Variants in ZFP1 observed in about 807,000 individuals in gnomAD.
ZFP1 encodes zinc finger protein 1 homolog.
Under a neutral mutation model 38.5 loss-of-function variants are expected in ZFP1, and 32 were observed. That is an observed-to-expected ratio of 0.83 (90% CI 0.63 to 1.12). ZFP1 has a LOEUF of 1.12. Among genes scored for constraint, ZFP1 ranks in the 50% most tolerant of loss-of-function variants. ZFP1 has a pLI of 0.00. For missense variants in ZFP1, 616 were observed against 480.8 expected, an observed-to-expected ratio of 1.28 and a Z score of -2.63; for synonymous variants, 245 against 168.8, an observed-to-expected ratio of 1.45 and a Z score of -3.50.
the ZFP1 span, among the ~76,000 whole-genome samples, chr16:75,128,629 A>G: frequency 1.3e-5 from 2 of 152,200 alleles, no homozygotes; most frequent in Non-Finnish European, 2.9e-5. Context: ...TAATGTTTTC[A>G]AATTTTTCCT....
intron 1 of ZFP1, among the ~76,000 whole-genome samples, chr16:75,150,270 G>C (rs1484379059): frequency 6.8e-6 from 1 of 147,346 alleles, no homozygotes; most frequent in Non-Finnish European, 1.5e-5. Flanking sequence ...GTGCAGTAGC[G>C]AGATCTCGGC....
At chr16:75,162,435 A>C (rs1271374460) in intron 2 of ZFP1, among the ~76,000 whole-genome samples, 2 of 152,112 alleles carry the variant, frequency 1.3e-5, no homozygotes, top group Non-Finnish European at 2.9e-5. Flanking sequence ...GTATAGGTCA[A>C]CTTAATTATC....
At chr16:75,135,613 G>C in the ZFP1 span, among the ~76,000 whole-genome samples, 1 of 152,092 alleles carries the variant, frequency 6.6e-6, no homozygotes, top group South Asian at 2.1e-4. Context: ...GTCTGGGAGG[G>C]AATAAATTTA....
At chr16:75,137,461 C>T in the ZFP1 span, among the ~76,000 whole-genome samples, 146 of 89,360 alleles carry the variant, frequency 1.6e-3, no homozygotes, top group Middle Eastern at 0.043. Flanking sequence ...AAAAAAAATT[C>T]TTTTTTTTTT....
At chr16:75,162,146 A>G (rs1051336648) in intron 2 of ZFP1, among the ~76,000 whole-genome samples, 1 of 151,754 alleles carries the variant, frequency 6.6e-6, no homozygotes, top group Non-Finnish European at 1.5e-5. Context: ...CTTTTGAGAC[A>G]GGGTCTCACT....
the ZFP1 span, among the ~76,000 whole-genome samples, chr16:75,142,521 C>T: frequency 6.6e-6 from 1 of 152,182 alleles, no homozygotes; most frequent in African/African-American, 2.4e-5. Flanking sequence ...CCAATCTGAG[C>T]TTGCTAGCTC....
Position 75,161,130 on chromosome 16 carries a change from C to G in ZFP1, c.16-5640C>G, listed in dbSNP as rs547036272. ...TTGCCCAGGCTGTAGTGCAGTGGCA[C>G]CATCTTGGCTCACTGCCACCTCCGC... On this transcript the variant is annotated intron_variant, in intron 2 of 3. Coordinates refer to ENST00000570010, the MANE Select transcript of ZFP1 (RefSeq NM_153688.4). Among the ~76,000 whole-genome samples the G allele has an allele frequency of 3.3e-5, 5 of 152,182 alleles. No individual in the cohort carries two copies. The South Asian group carries it at 1.0e-3, about 32-fold the overall frequency.
the ZFP1 span, among the ~76,000 whole-genome samples, chr16:75,142,856 C>G: frequency 6.6e-6 from 1 of 152,054 alleles, no homozygotes; most frequent in Non-Finnish European, 1.5e-5. Flanking sequence ...TGTCCATCAC[C>G]ACACCCAGCT....
At position 75,171,722 on chromosome 16, in the gene ZFP1, T is replaced by TGC. The variant is rs1452949432; in HGVS notation, c.*1389_*1390dup. On this transcript the variant is annotated 3_prime_UTR_variant, in exon 4 of 4. Coordinates refer to ENST00000570010, the MANE Select transcript of ZFP1 (RefSeq NM_153688.4). ...AAAATATTTTTGGATATCATTGATG[T>TGC]GCTGTCACACTATATATTGAGTGAC... 6.6e-6 allele frequency: 1 copy of TGC among 152,244 alleles called. No individual in the cohort carries two copies. Among genetic ancestry groups the TGC allele is most frequent in the Non-Finnish European group, 1.5e-5 (1 of 68,040 alleles). 9.4% of individuals were successfully genotyped at this position (152,244 alleles called of 1,614,324 possible).
the ZFP1 span, among the ~76,000 whole-genome samples, chr16:75,136,787 C>T: frequency 6.6e-6 from 1 of 152,188 alleles, no homozygotes; most frequent in South Asian, 2.1e-4. Flanking sequence ...AGGAAGACTG[C>T]TTGAGTCCAG....
At chr16:75,121,924 T>G in the ZFP1 span, among the ~76,000 whole-genome samples, 6 of 152,198 alleles carry the variant, frequency 3.9e-5, no homozygotes, top group African/African-American at 1.4e-4. Flanking sequence ...ATCCAGCAGT[T>G]TCATACTTAT....
the ZFP1 span, among the ~76,000 whole-genome samples, chr16:75,123,348 T>C: frequency 6.8e-6 from 1 of 148,138 alleles, no homozygotes; most frequent in African/African-American, 2.6e-5. Flanking sequence ...AGAGACTCTG[T>C]CTAAAATATA....
chr16:75,137,461 C>CTTT, the ZFP1 span, among the ~76,000 whole-genome samples: 4,697 of 89,304 alleles, frequency 0.053, 808 homozygotes, highest in African/African-American at 0.19. Flanking sequence ...AAAAAAAATT[C>CTTT]TTTTTTTTTT....
chr16:75,167,297 T>C (rs1406104309), intron 3 of ZFP1, among the ~76,000 whole-genome samples: 1 of 152,218 alleles, frequency 6.6e-6, no homozygotes, highest in Admixed American at 6.5e-5. Flanking sequence ...TTCAGCAATC[T>C]GTTTTTCAAA....
chr16:75,125,146 C>T, the ZFP1 span, among the ~76,000 whole-genome samples: 2 of 151,996 alleles, frequency 1.3e-5, no homozygotes, highest in Non-Finnish European at 2.9e-5. Context: ...GTAATCCCAG[C>T]TATTTGGGAG....
At chr16:75,155,977 G>A (rs1187184554) in intron 2 of ZFP1, among the ~76,000 whole-genome samples, 1 of 151,938 alleles carries the variant, frequency 6.6e-6, no homozygotes, top group Non-Finnish European at 1.5e-5. Flanking sequence ...ATGCATCCGT[G>A]GGCCCTTTGC....
At chr16:75,150,813 G>T (rs569315743) in intron 1 of ZFP1, among the ~76,000 whole-genome samples, 3 of 152,046 alleles carry the variant, frequency 2.0e-5, no homozygotes, top group Admixed American at 6.6e-5. Context: ...GCTGTTGATC[G>T]TAGAATCTTC....
chr16:75,154,575 T>TC (rs2145511967), intron 2 of ZFP1, among the ~76,000 whole-genome samples: 1 of 9,140 alleles, frequency 1.1e-4, no homozygotes, highest in Admixed American at 1.2e-3. Flanking sequence ...GAATGAGAGT[T>TC]TTTTTTTTTT....
the ZFP1 span, among the ~76,000 whole-genome samples, chr16:75,139,368 CAAAAAAAAA>C: frequency 7.0e-5 from 3 of 42,744 alleles, 1 homozygote; most frequent in African/African-American, 1.1e-4. Flanking sequence ...GACTCCATCT[CAAAAAAAAA>C]AAAAAAAAAA....
Sources: allele counts gnomAD v4.1 joint callset (sites outside exome capture counted in the v4.1 genomes callset), GRCh38; gene constraint gnomAD v4.1.1; transcripts MANE v1.5; gene names NCBI Gene and HGNC (gene_info 2026-07-23, HGNC 2026-07-21).